Variants in DIPK2B observed in about 807,000 individuals in gnomAD.
DIPK2B encodes the protein UPF0672 protein CXorf36.
In DIPK2B, 15 loss-of-function variants were observed where a neutral mutation model predicts 22.2. The observed-to-expected ratio is 0.68, with a 90% confidence interval of 0.45 to 1.04. The LOEUF (loss-of-function observed/expected upper bound fraction) is 1.04. Among genes scored for constraint, DIPK2B ranks in the 50% least tolerant of loss-of-function variants. The pLI, the probability that DIPK2B is intolerant of heterozygous loss-of-function variation, is 0.00. For synonymous variants in DIPK2B, 163 were observed against 153.2 expected (o/e 1.06, Z -0.47); for missense variants, 345 against 348.3 (o/e 0.99, Z 0.08).
rs186572719 is a variant in DIPK2B, at chrX:45,175,873, G to C, written c.498+15878C>G. ...GGAGGGTAGCAGGTGGCCAGGTTAA[G>C]CATGCATTTGAGAAATGAAAGGTGA... On this transcript the variant is annotated intron_variant, in intron 2 of 4. Transcript: ENST00000398000. Among the ~76,000 whole-genome samples the C allele has an allele frequency of 7.4e-5, 8 of 107,529 alleles. No individual in the cohort carries two copies. In the East Asian group the frequency reaches 2.4e-3, roughly 32 times the overall value. The allele number at this position is 107,529 out of a possible 115,157, so 93.4% of individuals were successfully genotyped here. A position where few individuals can be genotyped will look rare whatever the true frequency, so the allele number is the denominator to read the frequency against.
intron 1 of DIPK2B, among the ~76,000 whole-genome samples, chrX:45,195,724 C>T (rs1040516617): frequency 2.6e-4 from 29 of 112,476 alleles, no homozygotes; most frequent in African/African-American, 7.8e-4. Context: ...TGCTGCATTG[C>T]CTGCTGCATT....
chrX:45,151,832 G>T lies in DIPK2B; in HGVS notation c.1122C>A (p.Phe374Leu), dbSNP rs759238073. The change falls in exon 5 of 5, where the codon TTC becomes TTA. Residue 374 changes from phenylalanine to leucine, a missense_variant. By Grantham distance (22) the Phe-to-Leu change is conservative. Transcript: ENST00000398000. The part of the protein sequence containing the change: ...KLLPRLLQGR[F>L]PSPVQDDIDS... ...CTATGTCGTCTTGCACTGGGGAGGG[G>T]AACCTCCCCTGGAGAAGTCGAGGCA... The T allele has an allele frequency of 1.7e-6, 2 of 1,210,241 alleles. No individual in the cohort carries two copies. Among genetic ancestry groups the T allele is most frequent in the Non-Finnish European group, 2.2e-6 (2 of 895,067 alleles).
At chrX:45,176,236 A>G (rs962932580) in intron 2 of DIPK2B, among the ~76,000 whole-genome samples, 1 of 109,928 alleles carries the variant, frequency 9.1e-6, no homozygotes, top group African/African-American at 3.4e-5. Flanking sequence ...TGGATCAAAG[A>G]ACAATGAACG....
At position 45,200,620 on chromosome X, in the gene DIPK2B, G is replaced by A; in HGVS notation, c.207C>T (p.Cys69=). The change falls in exon 1 of 5, where the codon TGC becomes TGT. Residue 69 remains cysteine (C), a synonymous_variant. Transcript: ENST00000398000. ...KCNACIGTSI[C]KKFFKEEIRS... ...TTATTTCTTCTTTAAAGAACTTCTT[G>A]CAAATAGATGTCCCGATGCAGGCAT... The A allele has an allele frequency of 8.3e-7, 1 of 1,211,275 alleles. No homozygotes were observed. The highest frequency in any genetic ancestry group is 1.1e-6 in the Non-Finnish European group (1 of 894,789).
chrX:45,194,864 G>A (rs749400144), intron 1 of DIPK2B, among the ~76,000 whole-genome samples: 81 of 112,244 alleles, frequency 7.2e-4, no homozygotes, highest in African/African-American at 2.5e-3. Context: ...AGTTGGTGGG[G>A]GTGGTGTGGG....
intron 2 of DIPK2B, among the ~76,000 whole-genome samples, chrX:45,165,640 C>T (rs1160345108): frequency 2.7e-5 from 3 of 111,036 alleles, no homozygotes; most frequent in African/African-American, 9.8e-5. Context: ...TTTAGACGTC[C>T]TATATTGGGT....
At chrX:45,153,298 TCA>T (rs1290124081) in intron 4 of DIPK2B, among the ~76,000 whole-genome samples, 1 of 112,054 alleles carries the variant, frequency 8.9e-6, no homozygotes, top group Non-Finnish European at 1.9e-5. Context: ...GAAACACGAT[TCA>T]GTCATCCACC....
In DIPK2B at chrX:45,151,732, C is replaced by A; in HGVS notation, c.1222G>T (p.Asp408Tyr). 1 of 1,212,027 alleles carries A rather than the reference C, an allele frequency of 8.3e-7. No homozygotes were observed. The highest frequency in any genetic ancestry group is 1.1e-6 in the Non-Finnish European group (1 of 895,529). Residue 408 changes from aspartate (D) to tyrosine (Y), a missense_variant, in exon 5 of 5, where the codon GAC (aspartate) becomes TAC (tyrosine). Transcript: ENST00000398000. ...EVLGAASQLK[D>Y]ILRPLRTCDS... ...CACGTTCTCAGGGGCCTCAAGATGT[C>A]TTTCAGCTGGCTGGCGGCCCCAAGG...
intron 2 of DIPK2B, among the ~76,000 whole-genome samples, chrX:45,177,540 G>T (rs1388289590): frequency 3.6e-5 from 4 of 109,834 alleles, no homozygotes; most frequent in Admixed American, 9.7e-5. Flanking sequence ...CCCTGCTACT[G>T]CCTCCCCTTC....
chrX:45,169,761 T>C (rs1239163013), intron 2 of DIPK2B, among the ~76,000 whole-genome samples: 4 of 112,388 alleles, frequency 3.6e-5, no homozygotes, highest in Non-Finnish European at 7.5e-5. Flanking sequence ...ATCCACACCA[T>C]GACTATAACT....
chrX:45,182,604 T>C (rs1490578133), intron 2 of DIPK2B, among the ~76,000 whole-genome samples: 1 of 113,015 alleles, frequency 8.8e-6, no homozygotes, highest in African/African-American at 3.2e-5. Context: ...TAATTCACAA[T>C]AGTGCAAACT....
At position 45,149,293 on chromosome X, in the gene DIPK2B, T is replaced by C. The variant is rs1485559576; in HGVS notation, c.*2359A>G. ...CTGTGGCCTCTCTCCTGGTCTCTGGTCAGGTGGCCAGCTGGGAGGACAGCT... is the reference window on the plus strand; with the variant it reads ...CTGTGGCCTCTCTCCTGGTCTCTGGCCAGGTGGCCAGCTGGGAGGACAGCT... On this transcript the variant is annotated 3_prime_UTR_variant, in exon 5 of 5. Coordinates refer to ENST00000398000, the MANE Select transcript of DIPK2B (RefSeq NM_176819.4). 1 of 112,565 alleles carries C rather than the reference T, an allele frequency of 8.9e-6. No homozygotes were observed. Among genetic ancestry groups the C allele is most frequent in the Non-Finnish European group, 1.9e-5 (1 of 53,326 alleles). 9.3% of individuals were successfully genotyped at this position (112,565 alleles called of 1,213,427 possible).
chrX:45,148,994 G>A lies in DIPK2B; in HGVS notation c.*2658C>T, dbSNP rs189084769. The A allele has an allele frequency of 8.9e-6, 1 of 111,842 alleles. No individual in the cohort carries two copies. Among genetic ancestry groups the A allele is most frequent in the East Asian group, 2.8e-4 (1 of 3,538 alleles). The allele number at this position is 111,842 out of a possible 1,213,427, so 9.2% of individuals were successfully genotyped here. A position where few individuals can be genotyped will look rare whatever the true frequency, so the allele number is the denominator to read the frequency against. On this transcript the variant is annotated 3_prime_UTR_variant, in exon 5 of 5. Transcript: ENST00000398000. ...GGTTACATGATAGTCTTGAAGGAAT[G>A]TTGCTCAGAATTTCAGGCGACTGGT...
chrX:45,158,547 G>T (rs2047007436), intron 2 of DIPK2B, among the ~76,000 whole-genome samples: 2 of 105,327 alleles, frequency 1.9e-5, no homozygotes, highest in South Asian at 4.5e-4. Context: ...TTGGAGATAC[G>T]AACCTAGGCT....
At position 45,153,905 on chromosome X, in the gene DIPK2B, A is replaced by C; in HGVS notation, c.961+5T>G. On this transcript the variant is annotated splice_donor_5th_base_variant and intron_variant, in intron 4 of 4. Transcript: ENST00000398000. Reference sequence around the variant, plus strand: ...CAGCTGCTCAGCCAGGCCCATGCTGAGTACCTTCCTGCTTGTCGATGACGC... The same window carrying C: ...CAGCTGCTCAGCCAGGCCCATGCTGCGTACCTTCCTGCTTGTCGATGACGC... 2 of 1,206,883 alleles carry C rather than the reference A, an allele frequency of 1.7e-6. No homozygotes were observed. The highest frequency in any genetic ancestry group is 2.2e-6 in the Non-Finnish European group (2 of 892,502).
intron 2 of DIPK2B, chrX:45,163,094 C>T (rs1049549651): frequency 3.6e-6 from 1 of 276,972 alleles, no homozygotes; most frequent in Non-Finnish European, 4.9e-6. Flanking sequence ...TTAGCACCTA[C>T]AATCAGTTTA....
intron 1 of DIPK2B, among the ~76,000 whole-genome samples, chrX:45,199,838 C>T (rs1020252147): frequency 3.6e-5 from 4 of 111,346 alleles, no homozygotes; most frequent in Non-Finnish European, 7.5e-5. Flanking sequence ...GTGGTAAAGG[C>T]TCATGGACTG....
intron 1 of DIPK2B, among the ~76,000 whole-genome samples, chrX:45,194,328 C>T (rs1337268849): frequency 1.8e-5 from 2 of 110,685 alleles, no homozygotes; most frequent in African/African-American, 6.6e-5. Context: ...TGGTTCACTG[C>T]AACCTCCACC....
intron 2 of DIPK2B, among the ~76,000 whole-genome samples, chrX:45,184,092 T>A (rs1167335950): frequency 9.0e-6 from 1 of 111,656 alleles, no homozygotes; most frequent in Non-Finnish European, 1.9e-5. Context: ...TCAGTTGACA[T>A]AACATTTAAG....
Sources: allele counts gnomAD v4.1 joint callset (sites outside exome capture counted in the v4.1 genomes callset), GRCh38; gene constraint gnomAD v4.1.1; transcripts MANE v1.5; gene names NCBI Gene and HGNC (gene_info 2026-07-23, HGNC 2026-07-21).